INO80D: variants seen among roughly 807,000 people sequenced by gnomAD.
INO80D encodes INO80 complex subunit D.
Under a neutral mutation model 87.6 loss-of-function variants are expected in INO80D, and 21 were observed. The observed-to-expected ratio is 0.24, with a 90% CI of 0.17 to 0.35. INO80D has a LOEUF of 0.35. Ranked by LOEUF, INO80D falls within the 10% of genes least tolerant of loss-of-function variation. The pLI is 1.00. For synonymous variants in INO80D, 440 were observed against 491.0 expected (o/e 0.90, Z 1.37); for missense variants, 982 against 1,280.7 (o/e 0.77, Z 3.56).
At chr2:206,084,414 A>C (rs1690376967) in intron 1 of INO80D, among the ~76,000 whole-genome samples, 1 of 152,164 alleles carries the variant, frequency 6.6e-6, no homozygotes, top group African/African-American at 2.4e-5. Flanking sequence ...ACATAAAACT[A>C]AACAGTGATT....
intron 4 of INO80D, among the ~76,000 whole-genome samples, chr2:206,049,421 A>G (rs1417783892): frequency 6.6e-6 from 1 of 152,218 alleles, no homozygotes; most frequent in Non-Finnish European, 1.5e-5. Flanking sequence ...TCAAAGTGAC[A>G]TTTAAGGCAC....
At chr2:206,061,274 G>C (rs1297526917) in intron 3 of INO80D, among the ~76,000 whole-genome samples, 2 of 152,062 alleles carry the variant, frequency 1.3e-5, no homozygotes, top group Non-Finnish European at 2.9e-5. Context: ...GCCTCCAAAA[G>C]TGCTGGGATT....
Position 206,056,192 on chromosome 2 carries a change from A to G in INO80D, c.964+6T>C, listed in dbSNP as rs527736439. ...TGTCTATGATACGATAAAATAGATA[A>G]CTCACCTAAATGGGGAAACAGATCA... On this transcript the variant is annotated splice_donor_region_variant and intron_variant, in intron 4 of 10. Transcript: ENST00000403263. The G allele has an allele frequency of 3.4e-5, 53 of 1,559,024 alleles. 1 individual carries two copies. In the South Asian group the frequency reaches 5.8e-4, roughly 17 times the overall value.
At chr2:206,070,323 C>G (rs941943765) in intron 1 of INO80D, among the ~76,000 whole-genome samples, 1 of 151,870 alleles carries the variant, frequency 6.6e-6, no homozygotes, top group African/African-American at 2.4e-5. Flanking sequence ...ACTTGAGAGG[C>G]TGAGGTGAAG....
At chr2:206,013,668 T>C (rs1176585253) in intron 8 of INO80D, among the ~76,000 whole-genome samples, 1 of 151,960 alleles carries the variant, frequency 6.6e-6, no homozygotes, top group Non-Finnish European at 1.5e-5. Flanking sequence ...ATCTTAGAAG[T>C]ATGCCGGAAT....
chr2:206,055,786 T>C (rs908898099), intron 4 of INO80D, among the ~76,000 whole-genome samples: 9 of 152,228 alleles, frequency 5.9e-5, no homozygotes, highest in African/African-American at 1.9e-4. Flanking sequence ...GTACTGAACA[T>C]ATACAGACTT....
At position 206,006,575 on chromosome 2, in the gene INO80D, C is replaced by T. The variant is rs546179751; in HGVS notation, c.1918+709G>A. 4.0e-5 allele frequency among the ~76,000 whole-genome samples: 6 copies of T among 150,984 alleles called. No individual in the cohort carries two copies. The South Asian group carries it at 8.4e-4, about 21-fold the overall frequency. Reference sequence around the variant, plus strand: ...GCAGACACCTGTAATCCCAGCTACTCGGGAGGCTGAGGCAGGAGAATCGCT... The same window carrying T: ...GCAGACACCTGTAATCCCAGCTACTTGGGAGGCTGAGGCAGGAGAATCGCT... On this transcript the variant is annotated intron_variant, in intron 10 of 10. Coordinates refer to ENST00000403263, the MANE Select transcript of INO80D (RefSeq NM_017759.5).
At chr2:206,032,088 T>A (rs1463043858) in intron 5 of INO80D, among the ~76,000 whole-genome samples, 1 of 152,050 alleles carries the variant, frequency 6.6e-6, no homozygotes, top group Non-Finnish European at 1.5e-5. Flanking sequence ...ACAGAGATCT[T>A]TCGGGAGGGC....
intron 5 of INO80D, among the ~76,000 whole-genome samples, chr2:206,032,055 G>T (rs1007702007): frequency 6.6e-6 from 1 of 152,188 alleles, no homozygotes; most frequent in South Asian, 2.1e-4. Context: ...GGGTCCCCAA[G>T]CAGGTCATTC....
At chr2:206,008,259 C>T (rs1306172461) in intron 9 of INO80D, among the ~76,000 whole-genome samples, 1 of 148,480 alleles carries the variant, frequency 6.7e-6, no homozygotes, top group African/African-American at 2.5e-5. Flanking sequence ...GTTGGGATTA[C>T]AGGCATGAGC....
chr2:206,013,112 T>G (rs1431540199), intron 8 of INO80D, among the ~76,000 whole-genome samples: 2 of 152,066 alleles, frequency 1.3e-5, no homozygotes, highest in Non-Finnish European at 2.9e-5. Flanking sequence ...TTTTGATTGT[T>G]ATATAAAATA....
intron 5 of INO80D, among the ~76,000 whole-genome samples, chr2:206,041,989 A>G (rs888797341): frequency 6.6e-6 from 1 of 152,040 alleles, no homozygotes; most frequent in African/African-American, 2.4e-5. Flanking sequence ...AAAATTAGCC[A>G]GGTGTGGTAG....
intron 5 of INO80D, among the ~76,000 whole-genome samples, chr2:206,038,663 T>G (rs1226311091): frequency 6.6e-6 from 1 of 152,074 alleles, no homozygotes; most frequent in Non-Finnish European, 1.5e-5. Flanking sequence ...GAAACCCATC[T>G]CTACAACAAA....
chr2:206,004,931 C>T lies in INO80D; in HGVS notation c.2521G>A (p.Asp841Asn). 4 of 1,613,972 alleles carry T rather than the reference C, an allele frequency of 2.5e-6. No individual in the cohort carries two copies. Among genetic ancestry groups the T allele is most frequent in the Non-Finnish European group, 3.4e-6 (4 of 1,179,884 alleles). The change falls in exon 11 of 11, where the codon GAC (aspartate) becomes AAC (asparagine). Residue 841 changes from aspartate (D) to asparagine (N), a missense_variant. Asp to Asn is a conservative substitution (Grantham distance 23, BLOSUM62 1). Transcript: ENST00000403263. This position sits in a 1 kb window ranked among gnomAD's most constrained non-coding sequence, Gnocchi z 4.9. ...GTTGTGTGGGGAGAGGTGATATGGT[C>T]ACTGTAGGGAGACGGCACATGCTCA... ...DSEHVPSPYS[D>N]HITSPHTTSY... is the part of the protein sequence containing the mutation.
chr2:206,056,966 G>A, intron 3 of INO80D, 23 bp from the exon 4 acceptor site: 1 of 1,538,416 alleles, frequency 6.5e-7, no homozygotes, highest in South Asian at 1.3e-5. Flanking sequence ...CACATACATG[G>A]GAAAACAGTC....
rs994880073 is a variant in INO80D at position 205,998,882 on chromosome 2, T to C, written c.*5486A>G. On this transcript the variant is annotated 3_prime_UTR_variant, in exon 11 of 11. Coordinates refer to ENST00000403263, the MANE Select transcript of INO80D (RefSeq NM_017759.5). Reference sequence around the variant, plus strand: ...CAAGGAATCCCTGAGACATACTCAATACTATACAGTGAAAAGAACTATCAC... The same window carrying C: ...CAAGGAATCCCTGAGACATACTCAACACTATACAGTGAAAAGAACTATCAC... The C allele has an allele frequency of 5.3e-5, 8 of 152,200 alleles. No homozygotes were observed. Among genetic ancestry groups the C allele is most frequent in the African/African-American group, 1.9e-4 (8 of 41,426 alleles). 9.4% of individuals were successfully genotyped at this position (152,200 alleles called of 1,614,324 possible). A position where few individuals can be genotyped will look rare whatever the true frequency, so the allele number is the denominator to read the frequency against.
In INO80D at chr2:206,028,333, G is replaced by T; in HGVS notation, c.1076C>A (p.Ser359Ter). The change falls in exon 6 of 11, where the codon TCA (serine) becomes TAA (stop). Residue 359 changes from serine to a stop codon, truncating the protein, a stop_gained and splice_region_variant. Transcript: ENST00000403263. LOFTEE classifies it high-confidence loss of function. ...RETLRYQRHA[S>*]DDDDAESRSS... ...CCTACTCTCCGCATCATCATCATCT[G>T]ACCTGGAAAGTGCAGGGAGAGAAAG... 1.3e-6 allele frequency: 2 copies of T among 1,585,564 alleles called. No individual in the cohort carries two copies. Among genetic ancestry groups the T allele is most frequent in the South Asian group, 2.2e-5 (2 of 89,316 alleles).
intron 6 of INO80D, among the ~76,000 whole-genome samples, chr2:206,027,710 C>T (rs564986947): frequency 6.6e-6 from 1 of 151,410 alleles, no homozygotes; most frequent in African/African-American, 2.4e-5. Flanking sequence ...TCTCTAAAAA[C>T]AAAAAAATGA....
rs189132758 is a variant in INO80D, at chr2:206,037,311, C to T, written c.1074-8976G>A. On this transcript the variant is annotated intron_variant, in intron 5 of 10. Coordinates refer to ENST00000403263, the MANE Select transcript of INO80D (RefSeq NM_017759.5). Reference sequence around the variant, plus strand: ...TCCAGGCTTGTCCATAATCTCAAGGCATGCCATGAACTTCTCCAAGGGAAA... The same window carrying T: ...TCCAGGCTTGTCCATAATCTCAAGGTATGCCATGAACTTCTCCAAGGGAAA... Among the ~76,000 whole-genome samples, 11 of 152,294 alleles carry T rather than the reference C, an allele frequency of 7.2e-5. No individual in the cohort carries two copies. The East Asian group carries it at 1.3e-3, about 19-fold the overall frequency.
Sources: allele counts gnomAD v4.1 joint callset (sites outside exome capture counted in the v4.1 genomes callset), GRCh38; gene constraint gnomAD v4.1.1; non-coding constraint Gnocchi (gnomAD v3.1); transcripts MANE v1.5; gene names NCBI Gene and HGNC (gene_info 2026-07-23, HGNC 2026-07-21).